The following CALN1 variants were observed in gnomAD, a reference collection of about 807,000 sequenced individuals.
CALN1 encodes calcium-binding protein 8.
Under a neutral mutation model 30.6 loss-of-function variants are expected in CALN1, and 17 were observed. The observed-to-expected ratio is 0.56, with a 90% CI of 0.38 to 0.83. The LOEUF is 0.83. Ranked by LOEUF, CALN1 falls within the 40% of genes least tolerant of loss-of-function variation. The probability of loss-of-function intolerance (pLI) is 0.00; values close to 1 mark genes in which losing one functional copy is unlikely to be tolerated. For synonymous variants in CALN1, 156 were observed against 131.4 expected (o/e 1.19, Z -1.28); for missense variants, 291 against 354.9 (o/e 0.82, Z 1.45).
intron 3 of CALN1, among the ~76,000 whole-genome samples, chr7:72,163,038 G>A (rs1248112973): frequency 6.6e-6 from 1 of 152,216 alleles, no homozygotes; most frequent in South Asian, 2.1e-4. Context: ...TGAAAGTGCT[G>A]AGCAGAGATT....
intron 5 of CALN1, among the ~76,000 whole-genome samples, chr7:71,886,416 G>A (rs1792912214): frequency 6.6e-6 from 1 of 152,180 alleles, no homozygotes; most frequent in Non-Finnish European, 1.5e-5. Context: ...TCTTTCTGTT[G>A]AAAGGAATCA....
chr7:72,346,801 T>G (rs191174367), intron 2 of CALN1, among the ~76,000 whole-genome samples: 2 of 152,106 alleles, frequency 1.3e-5, no homozygotes, highest in South Asian at 2.1e-4. Context: ...AGGTGTGAGC[T>G]GCAGCGCCCG....
At chr7:72,201,415 C>T (rs1791404990) in intron 3 of CALN1, among the ~76,000 whole-genome samples, 1 of 151,644 alleles carries the variant, frequency 6.6e-6, no homozygotes, top group Admixed American at 6.6e-5. Flanking sequence ...ATAGTGAAAC[C>T]CCATCTCTAT....
chr7:72,018,950 C>A (rs1247433251), intron 5 of CALN1, among the ~76,000 whole-genome samples: 3 of 152,088 alleles, frequency 2.0e-5, no homozygotes, highest in African/African-American at 7.2e-5. Context: ...GATTCTCATG[C>A]TTCAGCCTCC....
intron 5 of CALN1, among the ~76,000 whole-genome samples, chr7:71,818,085 A>C (rs544491285): frequency 6.6e-6 from 1 of 152,296 alleles, no homozygotes; most frequent in African/African-American, 2.4e-5. Flanking sequence ...AAAAGCGAAC[A>C]ATACATAAAT....
At chr7:71,869,233 G>A (rs553553522) in intron 5 of CALN1, among the ~76,000 whole-genome samples, 1 of 148,392 alleles carries the variant, frequency 6.7e-6, no homozygotes, top group African/African-American at 2.5e-5. Flanking sequence ...TTTTTGAGAT[G>A]GAGTTTCACT....
At chr7:71,929,469 A>C (rs1487518384) in intron 5 of CALN1, among the ~76,000 whole-genome samples, 1 of 152,174 alleles carries the variant, frequency 6.6e-6, no homozygotes, top group Non-Finnish European at 1.5e-5. Flanking sequence ...ACATGATCTC[A>C]TTCCTTTTTA....
intron 1 of CALN1, among the ~76,000 whole-genome samples, chr7:72,440,260 A>C (rs1054431568): frequency 2.6e-5 from 4 of 152,348 alleles, no homozygotes; most frequent in African/African-American, 9.6e-5. Flanking sequence ...CAGAATACCC[A>C]AAACCCAAAG....
chr7:72,140,738 C>G (rs986659456), intron 3 of CALN1, among the ~76,000 whole-genome samples: 1 of 152,198 alleles, frequency 6.6e-6, no homozygotes, highest in Non-Finnish European at 1.5e-5. Flanking sequence ...TGGCAGGGCC[C>G]TGGAACCAAA....
chr7:71,858,431 T>G (rs1406638262), intron 5 of CALN1, among the ~76,000 whole-genome samples: 1 of 151,414 alleles, frequency 6.6e-6, no homozygotes, highest in African/African-American at 2.4e-5. Context: ...AAGGGAAGAG[T>G]TGAGCTGGGA....
chr7:72,006,687 T>G (rs1799788983), intron 5 of CALN1, among the ~76,000 whole-genome samples: 1 of 152,110 alleles, frequency 6.6e-6, no homozygotes, highest in Admixed American at 6.6e-5. Flanking sequence ...AAAAAAATAA[T>G]GGATGGACCA....
intron 3 of CALN1, among the ~76,000 whole-genome samples, chr7:72,251,720 T>C (rs1017275288): frequency 3.9e-5 from 6 of 152,160 alleles, no homozygotes; most frequent in African/African-American, 1.4e-4. Flanking sequence ...GTAGTGTTTA[T>C]GGCATCTAAT....
At position 71,946,758 on chromosome 7, in the gene CALN1, T is replaced by G. The variant is rs897576840; in HGVS notation, c.501+76899A>C. 2.0e-5 allele frequency among the ~76,000 whole-genome samples: 3 copies of G among 152,106 alleles called. No homozygotes were observed. In the South Asian group the frequency reaches 6.2e-4, roughly 32 times the overall value. On this transcript the variant is annotated intron_variant, in intron 5 of 6. Transcript: ENST00000395275. ...TTCCTCCTTGAGATGGAAAATAAAC[T>G]GTAAGGCATTGGATGGTACCTGACA... is the stretch of plus-strand genomic sequence containing the variant.
intron 3 of CALN1, among the ~76,000 whole-genome samples, chr7:72,246,085 C>T (rs985887301): frequency 6.6e-6 from 1 of 152,300 alleles, no homozygotes; most frequent in East Asian, 1.9e-4. Flanking sequence ...TCTTATCCGA[C>T]AAAAGTAATT....
chr7:72,337,258 G>C, intron 2 of CALN1: 1 of 985,124 alleles, frequency 1.0e-6, no homozygotes, highest in Non-Finnish European at 1.2e-6. Flanking sequence ...CGGCGCCCGC[G>C]TTCAGGAGCC....
At chr7:72,363,313 A>C (rs1803674608) in intron 2 of CALN1, among the ~76,000 whole-genome samples, 1 of 151,974 alleles carries the variant, frequency 6.6e-6, no homozygotes, top group South Asian at 2.1e-4. Context: ...ATCTCGGCTC[A>C]TTGCAACCTC....
chr7:72,339,596 G>A (rs1196632971), intron 2 of CALN1, among the ~76,000 whole-genome samples: 1 of 152,200 alleles, frequency 6.6e-6, no homozygotes, highest in Non-Finnish European at 1.5e-5. Context: ...CCCTGTATCA[G>A]TCTGTTCTTA....
At chr7:72,169,489 ATTT>A in intron 3 of CALN1, among the ~76,000 whole-genome samples, 1 of 86,746 alleles carries the variant, frequency 1.2e-5, no homozygotes, top group Non-Finnish European at 2.9e-5. Context: ...CCAGCTGATT[ATTT>A]TTTTTTTTTT....
chr7:72,451,317 G>A (rs1808658931), upstream of CALN1, among the ~76,000 whole-genome samples: 1 of 144,576 alleles, frequency 6.9e-6, no homozygotes, highest in South Asian at 2.3e-4. Context: ...AGAAGGAGGA[G>A]GAGCAGGAGA....
Sources: allele counts gnomAD v4.1 joint callset (sites outside exome capture counted in the v4.1 genomes callset), GRCh38; gene constraint gnomAD v4.1.1; transcripts MANE v1.5; gene names NCBI Gene and HGNC (gene_info 2026-07-23, HGNC 2026-07-21).